The following SQOR variants were observed in gnomAD, a reference collection of about 807,000 sequenced individuals.
The protein encoded by SQOR is sulfide:quinone oxidoreductase, mitochondrial.
Under a neutral mutation model 48.6 loss-of-function variants are expected in SQOR, and 39 were observed. That is an observed-to-expected ratio of 0.80 (90% confidence interval 0.62 to 1.05). The LOEUF is 1.05. SQOR is among the 50% of genes least tolerant of loss of function. The pLI is 0.00. For synonymous variants in SQOR, 220 were observed against 206.2 expected, an observed-to-expected ratio of 1.07 and a Z score of -0.57; for missense variants, 561 against 559.9, an observed-to-expected ratio of 1.00 and a Z score of -0.02.
intron 2 of SQOR, 97 bp from the exon 3 acceptor site, chr15:45,661,858 G>A: frequency 1.6e-6 from 2 of 1,285,682 alleles, no homozygotes; most frequent in Non-Finnish European, 2.1e-6. Context: ...TAAAGGTCAG[G>A]AGGGAGTGAT....
rs749578771 is a variant in SQOR at position 45,676,242 on chromosome 15, G to C, written c.796G>C (p.Val266Leu). Residue 266 changes from valine to leucine, a missense_variant, in exon 6 of 10, where the codon GTC (valine) becomes CTC (leucine). Transcript: ENST00000260324. ...TVNYKKNLIEVRADKQEAVFE... is the reference protein window; with the variant it reads ...TVNYKKNLIELRADKQEAVFE... ...TAACTACAAGAAAAACCTCATTGAA[G>C]TCCGAGCCGATAAACAAGAGGCTGT... 1.9e-6 allele frequency: 3 copies of C among 1,614,092 alleles called. No homozygotes were observed. Among genetic ancestry groups the C allele is most frequent in the Non-Finnish European group, 2.5e-6 (3 of 1,179,996 alleles).
intron 1 of SQOR, among the ~76,000 whole-genome samples, chr15:45,636,074 A>C (rs1032727324): frequency 6.6e-6 from 1 of 152,046 alleles, no homozygotes; most frequent in Non-Finnish European, 1.5e-5. Context: ...AATGATCCGC[A>C]CACTTCGGCC....
intron 7 of SQOR, among the ~76,000 whole-genome samples, chr15:45,685,811 C>T (rs1890212918): frequency 6.6e-6 from 1 of 152,300 alleles, no homozygotes; most frequent in East Asian, 1.9e-4. Flanking sequence ...AGAGATGTTG[C>T]TTTGCCCACA....
chr15:45,670,710 G>C (rs1013307476), intron 4 of SQOR, among the ~76,000 whole-genome samples: 1 of 152,200 alleles, frequency 6.6e-6, no homozygotes, highest in Non-Finnish European at 1.5e-5. Context: ...AGTTGGCCCA[G>C]TAAGAATCTT....
At chr15:45,671,117 G>C (rs576826403) in intron 4 of SQOR, among the ~76,000 whole-genome samples, 1 of 152,220 alleles carries the variant, frequency 6.6e-6, no homozygotes, top group Non-Finnish European at 1.5e-5. Context: ...CCATTATTAT[G>C]GAATCTCTAT....
intron 1 of SQOR, 51 bp from the exon 2 acceptor site, chr15:45,658,856 C>G: frequency 7.4e-7 from 1 of 1,357,432 alleles, no homozygotes; most frequent in Non-Finnish European, 9.7e-7. Flanking sequence ...ACGCTTCAGT[C>G]CCACGATGGT....
chr15:45,671,501 A>G (rs1027841349), intron 4 of SQOR, among the ~76,000 whole-genome samples: 1 of 152,152 alleles, frequency 6.6e-6, no homozygotes, highest in Admixed American at 6.6e-5. Flanking sequence ...TGAGGGAGGC[A>G]TTTTTATCTT....
chr15:45,653,441 A>T (rs1449112279), intron 1 of SQOR, among the ~76,000 whole-genome samples: 1 of 152,152 alleles, frequency 6.6e-6, no homozygotes, highest in Non-Finnish European at 1.5e-5. Flanking sequence ...GAATGGCCAT[A>T]TGGAAGAGAC....
At position 45,673,618 on chromosome 15, in the gene SQOR, A is replaced by C. The variant is rs137963040; in HGVS notation, c.471A>C (p.Leu157=). The change falls in exon 5 of 10, where the codon CTA becomes CTC. Residue 157 remains leucine (L), a synonymous_variant. Transcript: ENST00000260324. The stretch of plus-strand genomic sequence containing the variant: ...GTACTTTGTTGCAGATTAAAGGCCT[A>C]CCTGAAGGTTTCGCTCATCCCAAAA... The part of the protein sequence containing the change: ...IQLDYEKIKG[L]PEGFAHPKIG... The C allele has an allele frequency of 1.2e-6, 2 of 1,613,658 alleles. No individual in the cohort carries two copies. Among genetic ancestry groups the C allele is most frequent in the Non-Finnish European group, 1.7e-6 (2 of 1,179,784 alleles).
In SQOR at chr15:45,659,115, G is replaced by C. The variant is rs1367124379; in HGVS notation, c.192G>C (p.Arg64Ser). 1.3e-6 allele frequency: 2 copies of C among 1,573,870 alleles called. No homozygotes were observed. Among genetic ancestry groups the C allele is most frequent in the East Asian group, 2.3e-5 (1 of 43,706 alleles). The change falls in exon 2 of 10, where the codon AGG (arginine) becomes AGC (serine). Residue 64 changes from arginine (R) to serine (S), a missense_variant. Transcript: ENST00000260324. ...GGITMAARMK[R>S]KVGAENVAIV... ...TCACCATGGCTGCCCGCATGAAGAG[G>C]AAAGTGGGTGCAGAGAATGTGGCCA...
chr15:45,685,138 A>C (rs528980583), intron 7 of SQOR, among the ~76,000 whole-genome samples: 1 of 152,270 alleles, frequency 6.6e-6, no homozygotes, highest in African/African-American at 2.4e-5. Flanking sequence ...CATTAAGAGG[A>C]GTGGCAAAAA....
chr15:45,690,983 G>A lies in SQOR; in HGVS notation c.1306G>A (p.Gly436Arg). The change falls in exon 10 of 10, where the codon GGA becomes AGA. Residue 436 changes from glycine to arginine, a missense_variant. Transcript: ENST00000260324. Reference sequence around the variant, plus strand: ...TGTTATTTCTTACAGGGGTTACTGGGGAGGACCAGCGTTTCTGCGCAAGTT... The same window carrying A: ...TGTTATTTCTTACAGGGGTTACTGGAGAGGACCAGCGTTTCTGCGCAAGTT... ...YWNMMLRGYW[G>R]GPAFLRKLFH... The A allele has an allele frequency of 1.2e-6, 2 of 1,614,148 alleles. No individual in the cohort carries two copies. The highest frequency in any genetic ancestry group is 1.6e-4 in the Middle Eastern group (1 of 6,062).
At chr15:45,663,586 T>G (rs943832598) in intron 3 of SQOR, among the ~76,000 whole-genome samples, 1 of 151,900 alleles carries the variant, frequency 6.6e-6, no homozygotes, top group Non-Finnish European at 1.5e-5. Context: ...GGCAACATAG[T>G]AAGACCCTGT....
At chr15:45,653,329 G>A (rs1889531346) in intron 1 of SQOR, among the ~76,000 whole-genome samples, 1 of 152,174 alleles carries the variant, frequency 6.6e-6, no homozygotes, top group Non-Finnish European at 1.5e-5. Flanking sequence ...AGGCTCCCAT[G>A]ATCCATCCTC....
intron 6 of SQOR, 141 bp from the exon 7 acceptor site, chr15:45,682,337 C>T (rs1032815233): frequency 1.8e-5 from 14 of 789,284 alleles, no homozygotes; most frequent in South Asian, 1.1e-4. Flanking sequence ...TTGGAGAGGG[C>T]GTGGACTGGT....
At chr15:45,635,780 G>C (rs1264412075) in intron 1 of SQOR, among the ~76,000 whole-genome samples, 7 of 152,176 alleles carry the variant, frequency 4.6e-5, no homozygotes, top group Non-Finnish European at 1.0e-4. Context: ...GCAGGGCTCT[G>C]TTCCATTTTT....
Position 45,690,971 on chromosome 15 carries a change from A to G in SQOR, c.1296-2A>G, listed in dbSNP as rs1163228658. ...TACATTTTTTTGTGTTATTTCTTAC[A>G]GGGGTTACTGGGGAGGACCAGCGTT... On this transcript the variant is annotated splice_acceptor_variant, in intron 9 of 9. Coordinates refer to ENST00000260324, the MANE Select transcript of SQOR (RefSeq NM_021199.4). LOFTEE classifies it high-confidence loss of function. The G allele has an allele frequency of 6.2e-7, 1 of 1,614,082 alleles. No individual in the cohort carries two copies.
At position 45,673,780 on chromosome 15, in the gene SQOR, A is replaced by G; in HGVS notation, c.633A>G (p.Leu211=). The change falls in exon 5 of 10, where the codon TTA becomes TTG. Residue 211 remains leucine (L), a synonymous_variant. Coordinates refer to ENST00000260324, the MANE Select transcript of SQOR (RefSeq NM_021199.4). The part of the protein sequence containing the change: ...CAGAPQKIMY[L]SEAYFRKTGK... Reference sequence around the variant, plus strand: ...GAGCCCCTCAGAAGATCATGTACTTATCAGAAGCCTACTTCAGGAAGGTAT... The same window carrying G: ...GAGCCCCTCAGAAGATCATGTACTTGTCAGAAGCCTACTTCAGGAAGGTAT... The G allele has an allele frequency of 6.2e-7, 1 of 1,614,160 alleles. No individual in the cohort carries two copies. The highest frequency in any genetic ancestry group is 8.5e-7 in the Non-Finnish European group (1 of 1,180,018).
intron 4 of SQOR, among the ~76,000 whole-genome samples, chr15:45,671,994 G>A (rs1339007813): frequency 6.6e-6 from 1 of 152,146 alleles, no homozygotes; most frequent in Admixed American, 6.5e-5. Flanking sequence ...TAGATGAGGG[G>A]TCAAAACCAC....
Sources: gnomAD v4.1 joint callset for allele counts (sites outside exome capture counted in the v4.1 genomes callset) on GRCh38, gnomAD v4.1.1 for gene constraint, MANE v1.5 for transcripts, NCBI Gene and HGNC (gene_info 2026-07-23, HGNC 2026-07-21) for gene names.